Variants in SORL1 observed in about 807,000 individuals in gnomAD.
The protein encoded by SORL1 is sortilin-related receptor.
In SORL1, 127 loss-of-function variants were observed where a neutral mutation model predicts 273.7. The ratio of observed to expected loss-of-function variants is 0.46; its 90% confidence interval spans 0.40 to 0.54. The LOEUF is 0.54. Ranked by LOEUF, SORL1 falls within the 20% of genes least tolerant of loss-of-function variation. The pLI is 0.00. For missense variants in SORL1, 2,494 were observed against 2,846.1 expected (o/e 0.88, Z 2.81); for synonymous variants, 1,031 against 1,067.4 (o/e 0.97, Z 0.66).
chr11:121,476,496 A>G (rs569710187), intron 2 of SORL1, among the ~76,000 whole-genome samples: 2 of 152,334 alleles, frequency 1.3e-5, no homozygotes, highest in Admixed American at 1.3e-4. Flanking sequence ...TTGTGTTTAC[A>G]TAGGGCATTG....
At position 121,558,742 on chromosome 11, in the gene SORL1, T is replaced by C. The variant is rs754104264; in HGVS notation, c.2815T>C (p.Tyr939His). The change falls in exon 20 of 48, where the codon TAC becomes CAC. Residue 939 changes from tyrosine (Y) to histidine (H), a missense_variant. Tyr to His is a moderately conservative substitution (Grantham distance 83). This residue lies in a region of SORL1 where 1,609 missense variants were observed against 1,816.4 expected (regional missense o/e 0.89). Transcript: ENST00000260197. ...DDQWIYWTDA[Y>H]LECIERITFS... is the part of the protein sequence containing the mutation. The stretch of plus-strand genomic sequence containing the variant: ...CCAGTGGATTTACTGGACGGATGCC[T>C]ACCTGGAGTGCATAGAGCGGATCAC... 6 of 1,614,178 alleles carry C rather than the reference T, an allele frequency of 3.7e-6. No homozygotes were observed. In the Admixed American group the frequency reaches 6.7e-5, roughly 18 times the overall value.
intron 2 of SORL1, among the ~76,000 whole-genome samples, chr11:121,473,428 T>C (rs1861204385): frequency 6.6e-6 from 1 of 152,276 alleles, no homozygotes; most frequent in African/African-American, 2.4e-5. Context: ...AGGACTCATC[T>C]GTCCTGTGAT....
Position 121,598,306 on chromosome 11 carries a change from A to G in SORL1, c.4519+2534A>G, listed in dbSNP as rs545584204. Among the ~76,000 whole-genome samples the G allele has an allele frequency of 1.1e-4, 16 of 152,324 alleles. No homozygotes were observed. The Middle Eastern group carries it at 0.014, about 130-fold the overall frequency. On this transcript the variant is annotated intron_variant, in intron 32 of 47. Coordinates refer to ENST00000260197, the MANE Select transcript of SORL1 (RefSeq NM_003105.6). ...GACCTCTTTGTATATTGGAGGTACT[A>G]TTAACAGCATCCAGTGAGTTTTTTT...
intron 6 of SORL1, 122 bp from the exon 7 acceptor site, chr11:121,512,881 C>T: frequency 5.8e-6 from 4 of 689,296 alleles, no homozygotes; most frequent in South Asian, 5.4e-5. Flanking sequence ...TTTGCAATCA[C>T]AGTCTCTATT....
intron 22 of SORL1, among the ~76,000 whole-genome samples, chr11:121,569,208 C>A (rs928209489): frequency 2.6e-5 from 4 of 152,180 alleles, no homozygotes; most frequent in Admixed American, 2.6e-4. Flanking sequence ...TCTTCGTAAG[C>A]TGAGGAGGAT....
chr11:121,627,369 G>C lies in SORL1; in HGVS notation c.6365-186G>C. On this transcript the variant is annotated intron_variant, in intron 46 of 47. Transcript: ENST00000260197. The surrounding 1 kb of genome is among the most constrained non-coding windows in gnomAD (Gnocchi z 4.9). ...CATGCACAAGGCCCTTGGTCTATCA[G>C]CTCATGGCAAGTAGTGGGGAAGCAA... is the stretch of plus-strand genomic sequence containing the variant. 1 of 609,862 alleles carries C rather than the reference G, an allele frequency of 1.6e-6. No homozygotes were observed. The highest frequency in any genetic ancestry group is 2.9e-6 in the Non-Finnish European group (1 of 341,688). 37.8% of individuals were successfully genotyped at this position (609,862 alleles called of 1,614,324 possible). A position where few individuals can be genotyped will look rare whatever the true frequency, so the allele number is the denominator to read the frequency against.
At chr11:121,517,812 A>G (rs915322838) in intron 8 of SORL1, among the ~76,000 whole-genome samples, 3 of 152,238 alleles carry the variant, frequency 2.0e-5, no homozygotes, top group African/African-American at 7.2e-5. Context: ...AGGTTCCATT[A>G]TACTCAGTTG....
chr11:121,627,878 T>A lies in SORL1; in HGVS notation c.6577+111T>A. 1.4e-6 allele frequency: 1 copy of A among 692,104 alleles called. No homozygotes were observed. The highest frequency in any genetic ancestry group is 2.7e-5 in the East Asian group (1 of 37,120). 42.9% of individuals were successfully genotyped at this position (692,104 alleles called of 1,614,324 possible). On this transcript the variant is annotated intron_variant, in intron 47 of 47. Coordinates refer to ENST00000260197, the MANE Select transcript of SORL1 (RefSeq NM_003105.6). The surrounding 1 kb of genome is among the most constrained non-coding windows in gnomAD (Gnocchi z 4.9). Reference sequence around the variant, plus strand: ...GCTCCTCTTTTGACCCTGGAGGAGCTCTTCATCAGCCAGCGATTTGATTCC... The same window carrying A: ...GCTCCTCTTTTGACCCTGGAGGAGCACTTCATCAGCCAGCGATTTGATTCC...
At chr11:121,499,393 C>T (rs1210017090) in intron 6 of SORL1, among the ~76,000 whole-genome samples, 3 of 152,136 alleles carry the variant, frequency 2.0e-5, no homozygotes, top group Non-Finnish European at 2.9e-5. Flanking sequence ...GGAGTACCCA[C>T]GTCAGCATCA....
chr11:121,467,560 A>G (rs992273418), intron 1 of SORL1, among the ~76,000 whole-genome samples: 4 of 151,796 alleles, frequency 2.6e-5, no homozygotes, highest in Non-Finnish European at 5.9e-5. Flanking sequence ...CTAGGTTCCT[A>G]GTCCTTTATT....
At position 121,625,089 on chromosome 11, in the gene SORL1, A is replaced by G; in HGVS notation, c.6176A>G (p.Tyr2059Cys). 1.2e-6 allele frequency: 2 copies of G among 1,608,162 alleles called. No homozygotes were observed. Among genetic ancestry groups the G allele is most frequent in the Non-Finnish European group, 1.7e-6 (2 of 1,175,492 alleles). The change falls in exon 46 of 48, where the codon TAT becomes TGT. Residue 2059 changes from tyrosine to cysteine, a missense_variant. Coordinates refer to ENST00000260197, the MANE Select transcript of SORL1 (RefSeq NM_003105.6). Reference sequence around the variant, plus strand: ...ATCTCTTGTGTTTGTTTTCAGGGCTATGAGATACACATGTTTGATAGTGCC... The same window carrying G: ...ATCTCTTGTGTTTGTTTTCAGGGCTGTGAGATACACATGTTTGATAGTGCC... ...KEKHFNESRG[Y>C]EIHMFDSAMN...
At chr11:121,590,200 A>G in intron 30 of SORL1, 26 bp downstream of exon 30, 1 of 1,611,610 alleles carries the variant, frequency 6.2e-7, no homozygotes, top group Admixed American at 1.7e-5. Context: ...GGCCTGGGTT[A>G]GCCCCATAAC....
chr11:121,601,582 TG>T lies in SORL1; in HGVS notation c.4520-2610del, dbSNP rs1186282960. On this transcript the variant is annotated intron_variant, in intron 32 of 47. Transcript: ENST00000260197. ...TGTTGTTTCCTGACTTTTTAATGAT[TG>T]TTTTTTTTTTTTTTTTTAAGAAACA... Among the ~76,000 whole-genome samples, 90 of 98,932 alleles carry T rather than the reference TG, an allele frequency of 9.1e-4. No individual in the cohort carries two copies. In the East Asian group the frequency reaches 0.017, roughly 19 times the overall value. The allele number at this position is 98,932 out of a possible 152,430, so 64.9% of individuals were successfully genotyped here.
chr11:121,602,366 A>G (rs1863406255), intron 32 of SORL1, among the ~76,000 whole-genome samples: 2 of 152,212 alleles, frequency 1.3e-5, no homozygotes. Flanking sequence ...CTGTACCTCC[A>G]TCCTAGAGAC....
intron 12 of SORL1, 67 bp from the exon 13 acceptor site, chr11:121,543,481 A>T (rs1403859004): frequency 1.5e-6 from 2 of 1,340,580 alleles, no homozygotes; most frequent in Admixed American, 1.8e-5. Context: ...GGTGAATGTT[A>T]TATGGAAACC....
chr11:121,553,246 G>A (rs146374952), intron 16 of SORL1, among the ~76,000 whole-genome samples: 1 of 152,294 alleles, frequency 6.6e-6, no homozygotes, highest in East Asian at 1.9e-4. Flanking sequence ...GTTAACAAGA[G>A]TTCTACCATC....
At position 121,555,177 on chromosome 11, in the gene SORL1, C is replaced by G. The variant is rs765294595; in HGVS notation, c.2440-10C>G. 1.9e-6 allele frequency: 3 copies of G among 1,609,618 alleles called. No homozygotes were observed. Among genetic ancestry groups the G allele is most frequent in the African/African-American group, 2.7e-5 (2 of 74,728 alleles). On this transcript the variant is annotated splice_polypyrimidine_tract_variant and intron_variant, in intron 17 of 47. Transcript: ENST00000260197. ...GTTCCTAGCATTTATTATTACTTTT[C>G]TCTCTTAAGCGCCTCTGTTTGAATG... is the stretch of plus-strand genomic sequence containing the variant.
At chr11:121,603,477 T>A (rs1486086433) in intron 32 of SORL1, among the ~76,000 whole-genome samples, 2 of 152,240 alleles carry the variant, frequency 1.3e-5, no homozygotes, top group Admixed American at 1.3e-4. Flanking sequence ...TGCTTTCTTT[T>A]TGGAGCCTCC....
intron 2 of SORL1, among the ~76,000 whole-genome samples, chr11:121,472,412 G>C (rs1861185268): frequency 6.6e-6 from 1 of 152,222 alleles, no homozygotes; most frequent in African/African-American, 2.4e-5. Context: ...GAGGTGTAAA[G>C]AGACTTGCAT....
Sources: allele counts gnomAD v4.1 joint callset (sites outside exome capture counted in the v4.1 genomes callset), GRCh38; gene constraint gnomAD v4.1.1; regional missense constraint gnomAD v4.1.1; non-coding constraint Gnocchi (gnomAD v3.1); transcripts MANE v1.5; gene names NCBI Gene and HGNC (gene_info 2026-07-23, HGNC 2026-07-21).